Variants in ATRNL1 observed in about 807,000 individuals in gnomAD.
ATRNL1 encodes the protein attractin like 1, also known as attractin-like protein 1.
In ATRNL1, 95 loss-of-function variants were observed where a neutral mutation model predicts 182.7. That is an observed-to-expected ratio of 0.52 (90% CI 0.44 to 0.62). ATRNL1 has a LOEUF of 0.62. Among genes scored for constraint, ATRNL1 ranks in the 20% least tolerant of loss-of-function variants. The probability of loss-of-function intolerance (pLI) is 0.00; values close to 1 mark genes in which losing one functional copy is unlikely to be tolerated. For missense variants in ATRNL1, 1,471 were observed against 1,679.5 expected, an observed-to-expected ratio of 0.88 and a Z score of 2.17; for synonymous variants, 576 against 568.3, an observed-to-expected ratio of 1.01 and a Z score of -0.19.
At chr10:115,432,487 T>C (rs191575666) in intron 21 of ATRNL1, among the ~76,000 whole-genome samples, 1 of 152,284 alleles carries the variant, frequency 6.6e-6, no homozygotes, top group African/African-American at 2.4e-5. Flanking sequence ...ATAACTCTTG[T>C]AATAATGTTA....
At chr10:115,856,998 C>G (rs537466791) in intron 28 of ATRNL1, among the ~76,000 whole-genome samples, 27 of 152,256 alleles carry the variant, frequency 1.8e-4, no homozygotes, top group Admixed American at 1.0e-3. Context: ...AGACCAGCCT[C>G]TCCTTTTCCT....
intron 27 of ATRNL1, among the ~76,000 whole-genome samples, chr10:115,737,120 A>G (rs1473803737): frequency 6.6e-6 from 1 of 151,940 alleles, no homozygotes; most frequent in Non-Finnish European, 1.5e-5. Flanking sequence ...ATTCTCAGCA[A>G]TGCATTAAAA....
intron 10 of ATRNL1, among the ~76,000 whole-genome samples, chr10:115,256,780 A>G (rs569195132): frequency 3.3e-5 from 5 of 152,292 alleles, no homozygotes; most frequent in Admixed American, 6.5e-5. Flanking sequence ...ATTTAGTGCT[A>G]TAAATTTCCC....
intron 28 of ATRNL1, among the ~76,000 whole-genome samples, chr10:115,877,118 T>A (rs566348988): frequency 6.6e-6 from 1 of 152,352 alleles, no homozygotes; most frequent in East Asian, 1.9e-4. Context: ...TAGAATACTT[T>A]TCCGGCTTTC....
intron 24 of ATRNL1, among the ~76,000 whole-genome samples, chr10:115,511,468 A>T (rs1850382859): frequency 6.6e-6 from 1 of 151,880 alleles, no homozygotes; most frequent in African/African-American, 2.4e-5. Flanking sequence ...AGTTCGTTAG[A>T]TGAACTTGAT....
At chr10:115,579,028 T>C (rs1403350124) in intron 26 of ATRNL1, among the ~76,000 whole-genome samples, 3 of 140,748 alleles carry the variant, frequency 2.1e-5, no homozygotes, top group East Asian at 2.5e-4. Flanking sequence ...TCTACTCTTA[T>C]TGATTTCTAT....
chr10:115,745,204 A>G (rs940132016), intron 27 of ATRNL1, among the ~76,000 whole-genome samples: 4 of 151,720 alleles, frequency 2.6e-5, no homozygotes, highest in African/African-American at 9.7e-5. Context: ...GCTCACTGCA[A>G]CCTCCGCCTC....
intron 8 of ATRNL1, among the ~76,000 whole-genome samples, chr10:115,201,744 G>A (rs1848588675): frequency 6.6e-6 from 1 of 152,074 alleles, no homozygotes; most frequent in Non-Finnish European, 1.5e-5. Context: ...GAACTTTAAA[G>A]TAGTTTTTTC....
Position 115,129,541 on chromosome 10 carries a change from C to T in ATRNL1, c.829+6C>T, listed in dbSNP as rs782311100. ...CTGCAATGATAGTTGGCAAGGTAAGCATGTGTGGTGTGATGGCTTTTGAAA... is the reference window on the plus strand; with the variant it reads ...CTGCAATGATAGTTGGCAAGGTAAGTATGTGTGGTGTGATGGCTTTTGAAA... On this transcript the variant is annotated splice_donor_region_variant and intron_variant, in intron 5 of 28. Transcript: ENST00000355044. 10 of 1,611,870 alleles carry T rather than the reference C, an allele frequency of 6.2e-6. 1 individual carries two copies. Among genetic ancestry groups the T allele is most frequent in the South Asian group, 4.4e-5 (4 of 91,030 alleles).
chr10:115,243,752 G>C (rs189544855), intron 10 of ATRNL1, among the ~76,000 whole-genome samples: 75 of 152,088 alleles, frequency 4.9e-4, no homozygotes, highest in African/African-American at 1.8e-3. Context: ...ACTGGAGGAA[G>C]GAATAGCATA....
intron 19 of ATRNL1, among the ~76,000 whole-genome samples, chr10:115,360,425 T>G (rs1856689150): frequency 6.6e-6 from 1 of 151,792 alleles, no homozygotes; most frequent in Non-Finnish European, 1.5e-5. Context: ...AGTTAAACAT[T>G]GTAAACTTAA....
intron 28 of ATRNL1, among the ~76,000 whole-genome samples, chr10:115,855,078 C>T (rs1951149172): frequency 6.6e-6 from 1 of 152,230 alleles, no homozygotes; most frequent in Non-Finnish European, 1.5e-5. Flanking sequence ...CTGCACAGCA[C>T]CACTGGCTAC....
chr10:115,331,774 T>C (rs1247514108), intron 18 of ATRNL1, among the ~76,000 whole-genome samples: 3 of 152,202 alleles, frequency 2.0e-5, no homozygotes, highest in Admixed American at 2.0e-4. Context: ...ATTTTAGTGC[T>C]AGAAGGTGCT....
intron 3 of ATRNL1, 25 bp from the exon 4 acceptor site, chr10:115,127,568 A>G (rs782185056): frequency 1.3e-6 from 2 of 1,588,444 alleles, no homozygotes; most frequent in Non-Finnish European, 1.7e-6. Context: ...CTATACATAC[A>G]ATATTCAGTT....
chr10:115,329,153 A>G (rs1554934308), intron 18 of ATRNL1, among the ~76,000 whole-genome samples: 3 of 152,014 alleles, frequency 2.0e-5, no homozygotes, highest in African/African-American at 7.2e-5. Flanking sequence ...TAATTTACCC[A>G]TGGCTGTTTA....
intron 28 of ATRNL1, among the ~76,000 whole-genome samples, chr10:115,928,253 A>C (rs2134584768): frequency 6.6e-6 from 1 of 152,180 alleles, no homozygotes; most frequent in South Asian, 2.1e-4. Context: ...ATTTGTTCCA[A>C]GTAGCAAATT....
chr10:115,588,562 A>G (rs1204126798), intron 26 of ATRNL1, among the ~76,000 whole-genome samples: 1 of 152,200 alleles, frequency 6.6e-6, no homozygotes. Context: ...GGGAGGAACA[A>G]CAAAAATTGG....
chr10:115,907,043 C>G (rs568152420), intron 28 of ATRNL1, among the ~76,000 whole-genome samples: 3 of 152,322 alleles, frequency 2.0e-5, no homozygotes, highest in African/African-American at 7.2e-5. Context: ...ATTAGGGATG[C>G]TCAACCTGTA....
At chr10:115,290,124 GT>G (rs1451213714) in intron 15 of ATRNL1, among the ~76,000 whole-genome samples, 8 of 149,348 alleles carry the variant, frequency 5.4e-5, no homozygotes, top group Admixed American at 5.4e-4. Flanking sequence ...TTAATTCTAA[GT>G]ATTGTAAATG....
Sources: gnomAD v4.1 joint callset for allele counts (sites outside exome capture counted in the v4.1 genomes callset) on GRCh38, gnomAD v4.1.1 for gene constraint, MANE v1.5 for transcripts, NCBI Gene and HGNC (gene_info 2026-07-23, HGNC 2026-07-21) for gene names.